The following BLK variants were observed in gnomAD, a reference collection of about 807,000 sequenced individuals.
The protein encoded by BLK is tyrosine-protein kinase Blk.
In BLK, 64 loss-of-function variants were observed where a neutral mutation model predicts 61.8. That is an observed-to-expected ratio of 1.03 (90% CI 0.85 to 1.27). The LOEUF (loss-of-function observed/expected upper bound fraction) is 1.27. Among genes scored for constraint, BLK ranks in the 50% most tolerant of loss-of-function variants. The pLI is 0.00. For synonymous variants in BLK, 351 were observed against 272.0 expected, an observed-to-expected ratio of 1.29 and a Z score of -2.86; for missense variants, 853 against 660.5, an observed-to-expected ratio of 1.29 and a Z score of -3.19.
rs554887873 is a variant in BLK, at chr8:11,545,776, T to G, written c.124-276T>G. On this transcript the variant is annotated intron_variant, in intron 2 of 12. Transcript: ENST00000259089. Reference sequence around the variant, plus strand: ...GAGCCAGGATGTTAAGCCCAAGTGGTTGGGCTTTCCCTCATTGTCCACAGC... The same window carrying G: ...GAGCCAGGATGTTAAGCCCAAGTGGGTGGGCTTTCCCTCATTGTCCACAGC... 1.7e-4 allele frequency: 86 copies of G among 497,334 alleles called. 1 individual carries two copies. In the South Asian group the frequency reaches 2.2e-3, roughly 13 times the overall value. 30.8% of individuals were successfully genotyped at this position (497,334 alleles called of 1,614,324 possible).
intron 10 of BLK, among the ~76,000 whole-genome samples, chr8:11,559,259 G>A (rs568028702): frequency 1.3e-5 from 2 of 152,118 alleles, no homozygotes; most frequent in Admixed American, 6.5e-5. Context: ...ACCACATGCT[G>A]ACCATGCCAA....
chr8:11,527,739 G>C (rs1799717264), intron 1 of BLK, among the ~76,000 whole-genome samples: 1 of 151,332 alleles, frequency 6.6e-6, no homozygotes, highest in African/African-American at 2.4e-5. Context: ...AGTTTGGGTG[G>C]GGTCCATTGG....
At chr8:11,551,819 C>T (rs1381935851) in intron 6 of BLK, among the ~76,000 whole-genome samples, 1 of 152,172 alleles carries the variant, frequency 6.6e-6, no homozygotes, top group Non-Finnish European at 1.5e-5. Flanking sequence ...GTCCCTGAAA[C>T]AGGAAGTGAC....
chr8:11,564,069 C>G lies in BLK; in HGVS notation c.1479C>G (p.Phe493Leu). 6.3e-7 allele frequency: 1 copy of G among 1,597,158 alleles called. No homozygotes were observed. The highest frequency in any genetic ancestry group is 1.1e-5 in the South Asian group (1 of 89,894). Reference sequence around the variant, plus strand: ...TCCTGCAGTCGGTGCTGGAGGACTTCTACACGGCCACCGAGCGGCAGTACG... The same window carrying G: ...TCCTGCAGTCGGTGCTGGAGGACTTGTACACGGCCACCGAGCGGCAGTACG... Reference protein sequence around the residue: ...FEFLQSVLEDFYTATERQYEL... With the variant: ...FEFLQSVLEDLYTATERQYEL... Residue 493 changes from phenylalanine (F) to leucine (L), a missense_variant, in exon 13 of 13, where the codon TTC becomes TTG. Physicochemically the swap from Phe to Leu is conservative, Grantham distance 22 (BLOSUM62 0). Transcript: ENST00000259089.
At chr8:11,539,070 C>T (rs181840230) in intron 1 of BLK, among the ~76,000 whole-genome samples, 84 of 151,848 alleles carry the variant, frequency 5.5e-4, no homozygotes, top group African/African-American at 1.6e-3. Context: ...TTTTTAAGTC[C>T]GCTGGTTTTT....
chr8:11,541,567 G>A (rs1800383208), intron 1 of BLK, among the ~76,000 whole-genome samples: 1 of 150,694 alleles, frequency 6.6e-6, no homozygotes, highest in Admixed American at 6.6e-5. Flanking sequence ...GCATGATCTT[G>A]GCTCACTACA....
chr8:11,514,084 C>T (rs896822597), intron 1 of BLK, among the ~76,000 whole-genome samples: 11 of 152,160 alleles, frequency 7.2e-5, no homozygotes, highest in African/African-American at 2.7e-4. Context: ...TCCCTTCTGG[C>T]ACAAGGAACC....
At chr8:11,511,103 A>G (rs906538144) in intron 1 of BLK, among the ~76,000 whole-genome samples, 1 of 152,240 alleles carries the variant, frequency 6.6e-6, no homozygotes, top group African/African-American at 2.4e-5. Flanking sequence ...CCAAACTGAA[A>G]TGTTACTATT....
At chr8:11,552,173 T>A (rs1227654172) in intron 6 of BLK, among the ~76,000 whole-genome samples, 2 of 152,338 alleles carry the variant, frequency 1.3e-5, no homozygotes, top group East Asian at 3.9e-4. Context: ...TGGTTCCATC[T>A]GTGGCTCAAG....
At chr8:11,523,238 C>G (rs750468156) in intron 1 of BLK, among the ~76,000 whole-genome samples, 11 of 152,134 alleles carry the variant, frequency 7.2e-5, no homozygotes, top group Non-Finnish European at 1.3e-4. Context: ...ATAATACATA[C>G]CATGCTGTAA....
At chr8:11,552,704 A>T (rs1173100515) in intron 6 of BLK, 1 of 152,158 alleles carries the variant, frequency 6.6e-6, no homozygotes, top group Admixed American at 6.5e-5. Flanking sequence ...TATTTCAACC[A>T]TTGCCTATTG....
chr8:11,505,515 T>C (rs1798736057), intron 1 of BLK, among the ~76,000 whole-genome samples: 1 of 152,146 alleles, frequency 6.6e-6, no homozygotes, highest in African/African-American at 2.4e-5. Flanking sequence ...GTAATAACAC[T>C]TGTTCTCTCC....
Position 11,520,769 on chromosome 8 carries a change from G to T in BLK, c.-1-22455G>T, listed in dbSNP as rs1444404901. ...CATTTCGAAAAAAGGCATAACAGATGATCTGTTTGTCTTTCAGGGAAATCT... is the reference window on the plus strand; with the variant it reads ...CATTTCGAAAAAAGGCATAACAGATTATCTGTTTGTCTTTCAGGGAAATCT... On this transcript the variant is annotated intron_variant, in intron 1 of 12. Transcript: ENST00000259089. 3.3e-5 allele frequency among the ~76,000 whole-genome samples: 5 copies of T among 152,238 alleles called. No homozygotes were observed. The East Asian group carries it at 9.6e-4, about 29-fold the overall frequency.
At chr8:11,559,945 G>A (rs1160492603) in intron 10 of BLK, 1 of 407,724 alleles carries the variant, frequency 2.5e-6, no homozygotes, top group African/African-American at 2.1e-5. Flanking sequence ...GCAGATCTGG[G>A]CCCTACTCAA....
intron 10 of BLK, among the ~76,000 whole-genome samples, chr8:11,559,542 C>T (rs556277054): frequency 6.6e-6 from 1 of 152,028 alleles, no homozygotes; most frequent in Non-Finnish European, 1.5e-5. Flanking sequence ...AACACGCAAA[C>T]TTACACACAC....
intron 12 of BLK, among the ~76,000 whole-genome samples, 165 bp downstream of exon 12, chr8:11,563,275 C>A (rs1270595759): frequency 6.6e-6 from 1 of 152,226 alleles, no homozygotes; most frequent in African/African-American, 2.4e-5. Flanking sequence ...CTGCCCCCTG[C>A]ATCACTATTG....
rs369433209 is a variant in BLK at position 11,554,771 on chromosome 8, C to T, written c.501C>T (p.Val167=). 3.1e-6 allele frequency: 5 copies of T among 1,613,948 alleles called. No homozygotes were observed. The African/African-American group carries it at 4.0e-5, about 13-fold the overall frequency. The change falls in exon 7 of 13, where the codon GTC becomes GTT. Residue 167 remains valine (V), a synonymous_variant. Transcript: ENST00000259089. The part of the protein sequence containing the change: ...KGAFSLSVKD[V]TTQGELIKHY... ...CCTTCTCCCTGTCTGTGAAGGATGT[C>T]ACCACCCAGGGGGAGCTGATCAAGC...
chr8:11,520,650 G>A (rs756096321), intron 1 of BLK, among the ~76,000 whole-genome samples: 4 of 152,164 alleles, frequency 2.6e-5, no homozygotes, highest in African/African-American at 7.2e-5. Context: ...AGATTCAGAA[G>A]TGAGAGACGC....
At chr8:11,499,725 G>A (rs1798486477) in intron 1 of BLK, among the ~76,000 whole-genome samples, 1 of 152,188 alleles carries the variant, frequency 6.6e-6, no homozygotes, top group African/African-American at 2.4e-5. Context: ...CAGACACTGT[G>A]ACTCTTCAAA....
Sources: gnomAD v4.1 joint callset for allele counts (sites outside exome capture counted in the v4.1 genomes callset) on GRCh38, gnomAD v4.1.1 for gene constraint, MANE v1.5 for transcripts, NCBI Gene and HGNC (gene_info 2026-07-23, HGNC 2026-07-21) for gene names.